USP22: variants seen among roughly 807,000 people sequenced by gnomAD.
USP22 encodes ubiquitin specific peptidase 22, also known as ubiquitin carboxyl-terminal hydrolase 22.
Under a neutral mutation model 68.1 loss-of-function variants are expected in USP22, and 22 were observed. The ratio of observed to expected loss-of-function variants is 0.32; its 90% confidence interval spans 0.23 to 0.46. The LOEUF (loss-of-function observed/expected upper bound fraction) is 0.46, where lower values mean the gene tolerates loss of function less well. Among genes scored for constraint, USP22 ranks in the 20% least tolerant of loss-of-function variants. The pLI is 1.00. For synonymous variants in USP22, 279 were observed against 274.2 expected (o/e 1.02, Z -0.17); for missense variants, 433 against 695.8 (o/e 0.62, Z 4.25).
At chr17:21,013,219 AT>A (rs1382790120) in intron 6 of USP22, among the ~76,000 whole-genome samples, 1 of 152,242 alleles carries the variant, frequency 6.6e-6, no homozygotes, top group African/African-American at 2.4e-5. Context: ...ACTGAGCAGA[AT>A]AATCGATTCC....
At chr17:21,025,927 T>C (rs562286687) in intron 2 of USP22, among the ~76,000 whole-genome samples, 1 of 152,294 alleles carries the variant, frequency 6.6e-6, no homozygotes, top group Admixed American at 6.5e-5. Flanking sequence ...ACACACAACA[T>C]TGTAAATGTG....
chr17:21,019,569 G>A (rs964427866), intron 3 of USP22, among the ~76,000 whole-genome samples: 8 of 152,374 alleles, frequency 5.3e-5, no homozygotes, highest in African/African-American at 1.7e-4. Flanking sequence ...GAAGGAGAGA[G>A]CTTGCACTTT....
intron 2 of USP22, 31 bp downstream of exon 2, chr17:21,028,511 A>C (rs144973175): frequency 6.2e-7 from 1 of 1,610,632 alleles, no homozygotes; most frequent in Non-Finnish European, 8.5e-7. Context: ...GGGGGCCACA[A>C]CTATCCCCCC....
At chr17:21,012,980 G>A (rs781753463) in intron 6 of USP22, 45 bp from the exon 7 acceptor site, 3 of 1,585,034 alleles carry the variant, frequency 1.9e-6, no homozygotes, top group African/African-American at 1.3e-5. Flanking sequence ...CCCCAAATAT[G>A]GGGAGTCTCT....
chr17:21,012,763 A>AG, intron 7 of USP22, 67 bp downstream of exon 7: 1 of 1,403,718 alleles, frequency 7.1e-7, no homozygotes, highest in Non-Finnish European at 1.0e-6. Context: ...ACAGCTCTGG[A>AG]GACTGGGAGG....
chr17:21,010,522 CA>C (rs1913927524), intron 8 of USP22, among the ~76,000 whole-genome samples: 1 of 148,646 alleles, frequency 6.7e-6, no homozygotes, highest in African/African-American at 2.4e-5. Context: ...ACTAAAAATA[CA>C]AAAATTAGCC....
rs1210132715 is a variant in USP22, at chr17:21,004,425, C to T, written c.1386-74G>A. Reference sequence around the variant, plus strand: ...CACTTGAGGTCATCACCATCAGAAACCAGGCAGCCCAGGCAGGGAGCGGGA... The same window carrying T: ...CACTTGAGGTCATCACCATCAGAAATCAGGCAGCCCAGGCAGGGAGCGGGA... On this transcript the variant is annotated intron_variant, in intron 11 of 12. Transcript: ENST00000261497. The T allele has an allele frequency of 3.8e-6, 6 of 1,565,490 alleles. No homozygotes were observed. The East Asian group carries it at 1.1e-4, about 29-fold the overall frequency.
chr17:21,009,702 C>A (rs576408436), intron 8 of USP22, among the ~76,000 whole-genome samples: 4 of 152,262 alleles, frequency 2.6e-5, no homozygotes, highest in South Asian at 4.1e-4. Flanking sequence ...CACCTGTAAT[C>A]CCAGCACTTT....
At chr17:21,023,506 G>A (rs1296290699) in intron 2 of USP22, among the ~76,000 whole-genome samples, 1 of 151,948 alleles carries the variant, frequency 6.6e-6, no homozygotes, top group Non-Finnish European at 1.5e-5. Context: ...TTAGCCGGGT[G>A]TGGTGGTGTG....
chr17:21,038,747 G>C (rs1445374205), intron 1 of USP22, among the ~76,000 whole-genome samples: 1 of 151,746 alleles, frequency 6.6e-6, no homozygotes, highest in Non-Finnish European at 1.5e-5. Flanking sequence ...TAGATTCAAA[G>C]AGAGAAATGG....
chr17:21,019,900 C>G (rs1380424084), intron 3 of USP22, among the ~76,000 whole-genome samples: 1 of 152,186 alleles, frequency 6.6e-6, no homozygotes, highest in African/African-American at 2.4e-5. Context: ...GAATAATACA[C>G]CCACACTTAG....
At chr17:21,008,574 A>C (rs1913849704) in intron 8 of USP22, among the ~76,000 whole-genome samples, 1 of 152,050 alleles carries the variant, frequency 6.6e-6, no homozygotes, top group African/African-American at 2.4e-5. Context: ...GGCGTATGGA[A>C]ATGCAGGAGT....
At chr17:21,039,352 C>A (rs563708128) in intron 1 of USP22, among the ~76,000 whole-genome samples, 37 of 151,418 alleles carry the variant, frequency 2.4e-4, no homozygotes, top group African/African-American at 8.5e-4. Flanking sequence ...CCAAGATGGG[C>A]GGATCACCTG....
At chr17:21,023,694 G>T (rs200642628) in intron 2 of USP22, among the ~76,000 whole-genome samples, 1 of 149,934 alleles carries the variant, frequency 6.7e-6, no homozygotes, top group African/African-American at 2.5e-5. Flanking sequence ...AAATCCACGT[G>T]ATGTCAGACA....
Position 21,042,986 on chromosome 17 carries a change from C to T in USP22, c.-151G>A. On this transcript the variant is annotated 5_prime_UTR_variant, in exon 1 of 13. Transcript: ENST00000261497. Reference sequence around the variant, plus strand: ...CGGAGGCCGGACAAAGATGGGGCTGCGCGATCGCCGAGGGGAGGCTGCAAG... The same window carrying T: ...CGGAGGCCGGACAAAGATGGGGCTGTGCGATCGCCGAGGGGAGGCTGCAAG... The T allele has an allele frequency of 2.6e-6, 1 of 388,158 alleles. No homozygotes were observed. Among genetic ancestry groups the T allele is most frequent in the Non-Finnish European group, 4.3e-6 (1 of 235,242 alleles). 24.0% of individuals were successfully genotyped at this position (388,158 alleles called of 1,614,324 possible).
intron 1 of USP22, among the ~76,000 whole-genome samples, chr17:21,032,922 CA>C (rs753804890): frequency 0.011 from 1,044 of 91,320 alleles, 4 homozygotes; most frequent in African/African-American, 0.054. Context: ...GACCCTGTCT[CA>C]AAAAAAAAAA....
intron 6 of USP22, among the ~76,000 whole-genome samples, chr17:21,014,635 C>T (rs989084730): frequency 2.6e-5 from 4 of 152,264 alleles, no homozygotes; most frequent in African/African-American, 9.6e-5. Flanking sequence ...ATAGGTTGTA[C>T]GTAAGCGCCT....
chr17:21,043,123 A>ACCCCCCCCC (rs1334241677), upstream of USP22: 5 of 18,882 alleles, frequency 2.6e-4, no homozygotes, highest in Admixed American at 5.7e-4. Flanking sequence ...AGATTACGTC[A>ACCCCCCCCC]CCCCCCCCCC....
intron 1 of USP22, among the ~76,000 whole-genome samples, chr17:21,029,067 G>C (rs1039562167): frequency 6.7e-6 from 1 of 149,798 alleles, no homozygotes; most frequent in Non-Finnish European, 1.5e-5. Context: ...CAGGTTCCAG[G>C]ACCACAGCAA....
Sources: allele counts gnomAD v4.1 joint callset (sites outside exome capture counted in the v4.1 genomes callset), GRCh38; gene constraint gnomAD v4.1.1; transcripts MANE v1.5; gene names NCBI Gene and HGNC (gene_info 2026-07-23, HGNC 2026-07-21).